Variants in ANKRD30BL observed in about 807,000 individuals in gnomAD.
ANKRD30BL encodes ankyrin repeat domain 30B like, also known as putative ankyrin repeat domain-containing protein 30B-like.
In ANKRD30BL, 20 loss-of-function variants were observed where a neutral mutation model predicts 18.4. The ratio of observed to expected loss-of-function variants is 1.09; its 90% confidence interval spans 0.77 to 1.58. ANKRD30BL has a LOEUF of 1.58. ANKRD30BL is among the 40% of genes most tolerant of loss of function. ANKRD30BL has a pLI of 0.00. For missense variants in ANKRD30BL, 224 were observed against 268.6 expected (o/e 0.83, Z 1.16); for synonymous variants, 72 against 100.9 (o/e 0.71, Z 1.72).
At position 132,205,655 on chromosome 2, in the gene ANKRD30BL, G is replaced by C. The variant is rs533110885; in HGVS notation, n.442-48509C>G. Among the ~76,000 whole-genome samples the C allele has an allele frequency of 1.6e-3, 244 of 150,272 alleles. 1 individual carries two copies. Among genetic ancestry groups the C allele is most frequent in the Non-Finnish European group, 3.1e-3 (212 of 67,566 alleles). ...AAAAAAAAGAAAGAAAAAAATAAAA[G>C]AAAAAATGAAAGCATGGGGCCAACA... is the stretch of plus-strand genomic sequence containing the variant. On this transcript the variant is annotated intron_variant and non_coding_transcript_variant, in intron 1 of 4. Transcript: ENST00000470729.
chr2:132,208,539 T>C (rs1183586209), intron 1 of ANKRD30BL, among the ~76,000 whole-genome samples: 1 of 152,108 alleles, frequency 6.6e-6, no homozygotes, highest in Non-Finnish European at 1.5e-5. Flanking sequence ...AGTACAAAAT[T>C]ATGACACAGA....
At chr2:132,231,895 C>G (rs937751893) in intron 1 of ANKRD30BL, among the ~76,000 whole-genome samples, 2 of 152,212 alleles carry the variant, frequency 1.3e-5, no homozygotes, top group Non-Finnish European at 2.9e-5. Flanking sequence ...AGGGCACAGA[C>G]AAACAAAAAG....
chr2:132,176,405 G>A (rs1688368228), intron 1 of ANKRD30BL, among the ~76,000 whole-genome samples: 1 of 152,102 alleles, frequency 6.6e-6, no homozygotes, highest in Admixed American at 6.5e-5. Context: ...GCACATGCCT[G>A]TAATCTCAGC....
chr2:132,239,077 T>A (rs1356384099), intron 1 of ANKRD30BL, among the ~76,000 whole-genome samples: 9 of 152,144 alleles, frequency 5.9e-5, no homozygotes, highest in Non-Finnish European at 1.2e-4. Context: ...TTGTAGTATC[T>A]GGAAGTGGAC....
intron 1 of ANKRD30BL, among the ~76,000 whole-genome samples, chr2:132,221,545 G>T (rs1363498377): frequency 3.7e-5 from 5 of 134,028 alleles, no homozygotes; most frequent in African/African-American, 6.3e-5. Context: ...GGAGGGAGGT[G>T]GGGGGGTCAG....
upstream of ANKRD30BL, among the ~76,000 whole-genome samples, chr2:132,162,172 G>A (rs968266635): frequency 6.6e-6 from 1 of 152,098 alleles, no homozygotes; most frequent in Non-Finnish European, 1.5e-5. Flanking sequence ...CCAGGAGCTG[G>A]GCCCTGGCGC....
At chr2:132,173,596 G>A (rs1688318023) in intron 1 of ANKRD30BL, among the ~76,000 whole-genome samples, 2 of 151,846 alleles carry the variant, frequency 1.3e-5, no homozygotes, top group East Asian at 3.9e-4. Flanking sequence ...TCCTGGCCCA[G>A]TTTTGCTTCT....
intron 1 of ANKRD30BL, among the ~76,000 whole-genome samples, chr2:132,198,774 T>G (rs1679030592): frequency 1.3e-5 from 2 of 151,888 alleles, no homozygotes; most frequent in Non-Finnish European, 2.9e-5. Flanking sequence ...CCCACCACCA[T>G]GCACAGCTAA....
intron 1 of ANKRD30BL, among the ~76,000 whole-genome samples, chr2:132,194,818 T>C (rs996137327): frequency 1.3e-5 from 2 of 152,216 alleles, no homozygotes; most frequent in East Asian, 1.9e-4. Flanking sequence ...AGTGGTGAGC[T>C]CTGCCTGGCA....
intron 1 of ANKRD30BL, among the ~76,000 whole-genome samples, chr2:132,180,365 T>C (rs954383397): frequency 2.0e-5 from 3 of 152,206 alleles, no homozygotes; most frequent in Admixed American, 2.0e-4. Context: ...TACTCTACCA[T>C]ATACTCTAAG....
intron 1 of ANKRD30BL, among the ~76,000 whole-genome samples, chr2:132,256,648 G>A (rs1573904379): frequency 6.6e-6 from 1 of 152,196 alleles, no homozygotes; most frequent in East Asian, 1.9e-4. Flanking sequence ...GTCGCGGCCA[G>A]CCCCCTGAAC....
At position 132,161,907 on chromosome 2, in the gene ANKRD30BL, G is replaced by T. The variant is rs1293674057; in HGVS notation, c.-202C>A. On this transcript the variant is annotated 5_prime_UTR_variant, in exon 1 of 6. Transcript: ENST00000409867. The stretch of plus-strand genomic sequence containing the variant: ...AACCGTTAGGCAGCTGAGCAGAACC[G>T]TTAGGCACCTGAGCAGAACCTTTAG... The T allele has an allele frequency of 5.6e-6, 3 of 531,122 alleles. No homozygotes were observed. The highest frequency in any genetic ancestry group is 2.2e-5 in the South Asian group (1 of 45,968). 32.9% of individuals were successfully genotyped at this position (531,122 alleles called of 1,614,324 possible).
intron 1 of ANKRD30BL, among the ~76,000 whole-genome samples, chr2:132,209,084 T>G (rs1475054406): frequency 7.5e-6 from 1 of 132,846 alleles, no homozygotes; most frequent in East Asian, 2.2e-4. Flanking sequence ...AGTTGAATGT[T>G]CTCTTGATTG....
At chr2:132,255,816 G>C (rs1558745466) in intron 1 of ANKRD30BL, among the ~76,000 whole-genome samples, 5 of 152,104 alleles carry the variant, frequency 3.3e-5, no homozygotes, top group East Asian at 3.9e-4. Context: ...TAGGCACAGC[G>C]ACTACCATAG....
chr2:132,226,030 A>C (rs1362321857), intron 1 of ANKRD30BL, among the ~76,000 whole-genome samples: 1 of 152,036 alleles, frequency 6.6e-6, no homozygotes, highest in Non-Finnish European at 1.5e-5. Context: ...AACTAGACAG[A>C]AGCATTTTCA....
At chr2:132,179,950 C>T (rs1395021526) in intron 1 of ANKRD30BL, among the ~76,000 whole-genome samples, 14 of 151,858 alleles carry the variant, frequency 9.2e-5, no homozygotes, top group Non-Finnish European at 1.8e-4. Flanking sequence ...ATCTTTTAAG[C>T]TAAGAGTTGT....
rs144428679 is a variant in ANKRD30BL, at chr2:132,153,665, C to G, written c.614+997G>C. ...AAGCTTGCCAACTATCTCTGATGAT[C>G]CATGACATATGGCAAGCATGAGGGC... On this transcript the variant is annotated intron_variant, in intron 4 of 5. Coordinates refer to ENST00000409867, the MANE Select transcript of ANKRD30BL (RefSeq NM_001358416.1). 2,142 of 1,260,112 alleles carry G rather than the reference C, an allele frequency of 1.7e-3. 32 individuals carry two copies. In the African/African-American group the frequency reaches 0.029, roughly 17 times the overall value. 78.1% of individuals were successfully genotyped at this position (1,260,112 alleles called of 1,614,324 possible). A position where few individuals can be genotyped will look rare whatever the true frequency, so the allele number is the denominator to read the frequency against.
intron 1 of ANKRD30BL, among the ~76,000 whole-genome samples, chr2:132,235,109 C>A (rs1196766602): frequency 6.6e-6 from 1 of 152,112 alleles, no homozygotes; most frequent in Non-Finnish European, 1.5e-5. Flanking sequence ...TCAATAGATG[C>A]AGAAAAAGCC....
At chr2:132,244,588 T>C (rs144873997) in intron 1 of ANKRD30BL, among the ~76,000 whole-genome samples, 1 of 152,296 alleles carries the variant, frequency 6.6e-6, no homozygotes, top group Non-Finnish European at 1.5e-5. Flanking sequence ...AGGAAATATC[T>C]TCCCATAATA....
Sources: allele counts gnomAD v4.1 joint callset (sites outside exome capture counted in the v4.1 genomes callset), GRCh38; gene constraint gnomAD v4.1.1; transcripts MANE v1.5; gene names NCBI Gene and HGNC (gene_info 2026-07-23, HGNC 2026-07-21).